GSE1: variants seen among roughly 807,000 people sequenced by gnomAD.
The protein encoded by GSE1 is Gse1 coiled-coil protein, also known as genetic suppressor element 1.
In GSE1, 32 loss-of-function variants were observed where a neutral mutation model predicts 112.6. That is an observed-to-expected ratio of 0.28 (90% CI 0.21 to 0.38). The LOEUF (loss-of-function observed/expected upper bound fraction) is 0.38. GSE1 is among the 10% of genes least tolerant of loss of function. The probability of loss-of-function intolerance (pLI) is 1.00; values close to 1 mark genes in which losing one functional copy is unlikely to be tolerated. For synonymous variants in GSE1, 1,115 were observed against 735.6 expected (o/e 1.52, Z -8.35); for missense variants, 2,348 against 1,699.2 (o/e 1.38, Z -6.71).
At chr16:85,198,442 C>T (rs1004525579) in intron 1 of GSE1, among the ~76,000 whole-genome samples, 1 of 152,142 alleles carries the variant, frequency 6.6e-6, no homozygotes, top group Non-Finnish European at 1.5e-5. Context: ...CAACACAGAC[C>T]AGAGTCCCCG....
At position 85,473,026 on chromosome 16, in the gene GSE1, G is replaced by A. The variant is rs371691475; in HGVS notation, c.2464+115383G>A. Reference sequence around the variant, plus strand: ...GGAGGCTGAGGAGTTTTGGGGTGGGGGCACAGGAGGTGCGCCCGGCACCAA... The same window carrying A: ...GGAGGCTGAGGAGTTTTGGGGTGGGAGCACAGGAGGTGCGCCCGGCACCAA... On this transcript the variant is annotated intron_variant, in intron 2 of 2. Transcript: ENST00000637419. Among the ~76,000 whole-genome samples the A allele has an allele frequency of 3.3e-5, 5 of 152,270 alleles. No homozygotes were observed. The East Asian group carries it at 5.8e-4, about 18-fold the overall frequency.
At chr16:85,259,029 G>T (rs1444741910) in intron 1 of GSE1, among the ~76,000 whole-genome samples, 5 of 152,198 alleles carry the variant, frequency 3.3e-5, no homozygotes, top group South Asian at 2.1e-4. Flanking sequence ...CTGGGGAGAA[G>T]TTCCCCAGAG....
intron 2 of GSE1, among the ~76,000 whole-genome samples, chr16:85,516,457 CA>C (rs71151299): frequency 0.019 from 1,309 of 69,412 alleles, 15 homozygotes; most frequent in African/African-American, 0.054. Context: ...CCCATCTCTA[CA>C]AAAAAAAAAA....
At chr16:85,454,206 A>G (rs1432676978) in intron 2 of GSE1, among the ~76,000 whole-genome samples, 1 of 152,212 alleles carries the variant, frequency 6.6e-6, no homozygotes, top group Non-Finnish European at 1.5e-5. Context: ...GAGCCTTTCC[A>G]TACACTGCCT....
At chr16:85,350,285 C>T (rs539218505) in intron 1 of GSE1, among the ~76,000 whole-genome samples, 1 of 152,272 alleles carries the variant, frequency 6.6e-6, no homozygotes, top group Admixed American at 6.5e-5. Context: ...CTCAGGCCTA[C>T]GTGTGTTTTA....
intron 2 of GSE1, among the ~76,000 whole-genome samples, chr16:85,502,917 C>T (rs183404996): frequency 6.6e-6 from 1 of 152,250 alleles, no homozygotes; most frequent in East Asian, 1.9e-4. Context: ...TGGGTGCCCA[C>T]GGAAGACAGA....
intron 1 of GSE1, among the ~76,000 whole-genome samples, chr16:85,560,541 C>T (rs192904483): frequency 2.6e-5 from 4 of 152,146 alleles, no homozygotes; most frequent in East Asian, 3.9e-4. Context: ...AAATGGTAGC[C>T]GTGAGGGGAT....
intron 8 of GSE1, among the ~76,000 whole-genome samples, chr16:85,658,330 C>T (rs7404699): frequency 0.68 from 103,216 of 152,072 alleles, 35,171 homozygotes; most frequent in East Asian, 0.91. Flanking sequence ...CCTTCCATAG[C>T]TCTGCTCCAG....
At chr16:85,660,583 G>A (rs1348248441) in intron 8 of GSE1, among the ~76,000 whole-genome samples, 2 of 152,120 alleles carry the variant, frequency 1.3e-5, no homozygotes, top group African/African-American at 4.8e-5. Flanking sequence ...AGGTTGCAGT[G>A]AGCTGAGCTT....
chr16:85,235,983 C>G (rs1349412577), intron 1 of GSE1, among the ~76,000 whole-genome samples: 1 of 139,550 alleles, frequency 7.2e-6, no homozygotes, highest in African/African-American at 3.0e-5. Flanking sequence ...CGGGCCTGGG[C>G]CTGGGCCTGG....
chr16:85,391,539 G>A (rs369093044), intron 2 of GSE1, among the ~76,000 whole-genome samples: 3 of 152,298 alleles, frequency 2.0e-5, no homozygotes, highest in African/African-American at 7.2e-5. Context: ...CTTGGCTTGC[G>A]GCAGCATCAC....
intron 2 of GSE1, among the ~76,000 whole-genome samples, chr16:85,362,513 G>T (rs1198857551): frequency 6.6e-6 from 1 of 152,214 alleles, no homozygotes; most frequent in Non-Finnish European, 1.5e-5. Context: ...GCCTTCTCAA[G>T]GTTCAGGACC....
chr16:85,663,038 C>T lies in GSE1; in HGVS notation c.2318C>T (p.Ala773Val), dbSNP rs768792769. 1.9e-5 allele frequency: 30 copies of T among 1,612,806 alleles called. No individual in the cohort carries two copies. The highest frequency in any genetic ancestry group is 4.0e-5 in the African/African-American group (3 of 74,930). ...GAGAGCGATGAGGAGGAGGTCAGGG[C>T]CCACCTCCGTTGCGTGGCCGAGCAG... Reference protein sequence around the residue: ...YDESDEEEVRAHLRCVAEQPP... With the variant: ...YDESDEEEVRVHLRCVAEQPP... Residue 773 changes from alanine (A) to valine (V), a missense_variant, in exon 10 of 16, where the codon GCC becomes GTC. Physicochemically the swap from Ala to Val is moderately conservative, Grantham distance 64. Coordinates refer to ENST00000253458, the MANE Select transcript of GSE1 (RefSeq NM_014615.5).
intron 2 of GSE1, among the ~76,000 whole-genome samples, chr16:85,468,268 C>T (rs574084058): frequency 6.6e-6 from 1 of 151,596 alleles, no homozygotes; most frequent in Admixed American, 6.6e-5. Flanking sequence ...CTCCCTAACT[C>T]CTTGAAGGGC....
chr16:85,181,860 A>C (rs1172041842), intron 1 of GSE1, among the ~76,000 whole-genome samples: 1 of 152,174 alleles, frequency 6.6e-6, no homozygotes, highest in Non-Finnish European at 1.5e-5. Flanking sequence ...ATGTCCCGAG[A>C]GCATGGCGGG....
At chr16:85,500,928 C>T (rs2051339042) in intron 2 of GSE1, among the ~76,000 whole-genome samples, 1 of 150,896 alleles carries the variant, frequency 6.6e-6, no homozygotes, top group Admixed American at 6.7e-5. Context: ...GTCTGAGTCC[C>T]TTTTCCTCTT....
At chr16:85,227,131 G>T (rs945714339) in intron 1 of GSE1, among the ~76,000 whole-genome samples, 1 of 149,892 alleles carries the variant, frequency 6.7e-6, no homozygotes. Context: ...CCATCCATCC[G>T]CCCACCCATC....
chr16:85,544,741 T>C (rs542780872), intron 2 of GSE1, among the ~76,000 whole-genome samples: 1 of 152,334 alleles, frequency 6.6e-6, no homozygotes, highest in South Asian at 2.1e-4. Flanking sequence ...TGACTTCTTG[T>C]CCAGCAGACC....
chr16:85,400,817 C>CTGTA lies in GSE1; in HGVS notation c.2464+43177_2464+43178insATGT, dbSNP rs1555578349. Among the ~76,000 whole-genome samples the CTGTA allele has an allele frequency of 8.6e-5, 13 of 151,202 alleles. 1 individual carries two copies. Among genetic ancestry groups the CTGTA allele is most frequent in the Admixed American group, 7.9e-4 (12 of 15,198 alleles). Reference sequence around the variant, plus strand: ...TGTGTGTCTCTGTATGATTTTGTGTCTGTGATTATGTGTTTGCGTGTGGTG... The same window carrying CTGTA: ...TGTGTGTCTCTGTATGATTTTGTGTCTGTATGTGATTATGTGTTTGCGTGTGGTG... On this transcript the variant is annotated intron_variant, in intron 2 of 2. Transcript: ENST00000637419.
Sources: allele counts gnomAD v4.1 joint callset (sites outside exome capture counted in the v4.1 genomes callset), GRCh38; gene constraint gnomAD v4.1.1; transcripts MANE v1.5; gene names NCBI Gene and HGNC (gene_info 2026-07-23, HGNC 2026-07-21).